Variants in LRRC7 observed in about 807,000 individuals in gnomAD.
LRRC7 encodes leucine-rich repeat-containing protein 7.
A neutral mutation model predicts 175.7 loss-of-function variants in LRRC7; 23 were observed. The ratio of observed to expected loss-of-function variants is 0.13; its 90% CI spans 0.09 to 0.19. The LOEUF is 0.19. Ranked by LOEUF, LRRC7 falls within the 10% of genes least tolerant of loss-of-function variation. The pLI, the probability that LRRC7 is intolerant of heterozygous loss-of-function variation, is 1.00. For synonymous variants in LRRC7, 685 were observed against 680.9 expected, an observed-to-expected ratio of 1.01 and a Z score of -0.09; for missense variants, 1,354 against 1,904.7, an observed-to-expected ratio of 0.71 and a Z score of 5.38.
At chr1:70,109,180 C>A (rs1162417654) in intron 26 of LRRC7, among the ~76,000 whole-genome samples, 1 of 152,124 alleles carries the variant, frequency 6.6e-6, no homozygotes, top group Non-Finnish European at 1.5e-5. Flanking sequence ...CGCCACCACA[C>A]TCAGCTAATT....
Position 69,994,548 on chromosome 1 carries a change from T to C in LRRC7, c.932-13T>C. On this transcript the variant is annotated splice_polypyrimidine_tract_variant and intron_variant, in intron 10 of 26. Coordinates refer to ENST00000651989, the MANE Select transcript of LRRC7 (RefSeq NM_001370785.2). ...TGCTCTTATGTATTAATCAACCTTC[T>C]TCTCTGCTTTAGGACTTTTGAAAAA... 1.3e-6 allele frequency: 2 copies of C among 1,566,324 alleles called. No homozygotes were observed. The highest frequency in any genetic ancestry group is 1.8e-6 in the Non-Finnish European group (2 of 1,138,492).
chr1:69,869,586 ATG>A (rs1243229039), intron 7 of LRRC7, among the ~76,000 whole-genome samples: 1 of 152,152 alleles, frequency 6.6e-6, no homozygotes, highest in African/African-American at 2.4e-5. Context: ...ATGTGAAACT[ATG>A]AGAGCCCATC....
chr1:70,073,873 A>G (rs1662574833), intron 23 of LRRC7, among the ~76,000 whole-genome samples: 1 of 152,182 alleles, frequency 6.6e-6, no homozygotes. Flanking sequence ...TTCTCTAGCT[A>G]TGTAACTGGG....
intron 19 of LRRC7, 34 bp from the exon 20 acceptor site, chr1:70,036,410 A>G (rs368337570): frequency 6.3e-7 from 1 of 1,582,296 alleles, no homozygotes. Flanking sequence ...TGTCAGTGTC[A>G]TAGCATTATA....
intron 1 of LRRC7, chr1:69,608,040 G>A (rs1354865362): frequency 6.5e-6 from 1 of 152,706 alleles, no homozygotes; most frequent in Non-Finnish European, 1.5e-5. Context: ...AATAGCTGAC[G>A]TGGGAGGTAG....
At chr1:70,035,907 G>GA (rs1172819709) in intron 18 of LRRC7, among the ~76,000 whole-genome samples, 1 of 151,562 alleles carries the variant, frequency 6.6e-6, no homozygotes, top group Non-Finnish European at 1.5e-5. Context: ...CAACATGCAA[G>GA]AAAAATTGAT....
At chr1:69,602,713 C>G (rs932097319) in intron 1 of LRRC7, among the ~76,000 whole-genome samples, 1 of 152,142 alleles carries the variant, frequency 6.6e-6, no homozygotes, top group Non-Finnish European at 1.5e-5. Context: ...CCATGCCTCT[C>G]TCCTAGCTGT....
chr1:69,781,755 GAGAGAGAGAGAA>G (rs1262842232), intron 3 of LRRC7, among the ~76,000 whole-genome samples: 1 of 43,384 alleles, frequency 2.3e-5, no homozygotes, highest in African/African-American at 1.5e-4. Context: ...GAGAGAGAGA[GAGAGAGAGAGAA>G]AGAAAGAAAG....
intron 2 of LRRC7, among the ~76,000 whole-genome samples, chr1:69,758,318 G>GT (rs1300333463): frequency 5.9e-5 from 9 of 151,984 alleles, no homozygotes; most frequent in Non-Finnish European, 1.3e-4. Flanking sequence ...CTTTTTAAAT[G>GT]TTTTTATTCA....
chr1:69,621,552 A>G (rs1650605064), intron 1 of LRRC7, among the ~76,000 whole-genome samples: 1 of 152,150 alleles, frequency 6.6e-6, no homozygotes, highest in Admixed American at 6.5e-5. Context: ...TCCTAGTTGA[A>G]ATATCATAGT....
At chr1:69,904,010 T>G (rs1476093235) in intron 7 of LRRC7, among the ~76,000 whole-genome samples, 1 of 152,060 alleles carries the variant, frequency 6.6e-6, no homozygotes, top group African/African-American at 2.4e-5. Flanking sequence ...AGGCAATAAT[T>G]AATAGCCTAC....
intron 2 of LRRC7, among the ~76,000 whole-genome samples, chr1:69,717,820 AAG>A (rs1557640958): frequency 2.0e-5 from 1 of 50,372 alleles, no homozygotes; most frequent in Non-Finnish European, 3.7e-5. Context: ...GAAAGAAAGA[AAG>A]AAAGAAAGAA....
chr1:69,638,385 G>C (rs1255664979), intron 1 of LRRC7, among the ~76,000 whole-genome samples: 1 of 151,768 alleles, frequency 6.6e-6, no homozygotes, highest in East Asian at 1.9e-4. Flanking sequence ...TCTGATGGTA[G>C]TCATTCCAGT....
intron 3 of LRRC7, among the ~76,000 whole-genome samples, chr1:69,762,919 G>T (rs11209537): frequency 0.028 from 4,190 of 151,948 alleles, 172 homozygotes; most frequent in African/African-American, 0.095. Flanking sequence ...AATCTTTAAA[G>T]GTTTCTGTGA....
At chr1:70,110,035 T>A (rs557559192) in intron 26 of LRRC7, among the ~76,000 whole-genome samples, 128 of 152,334 alleles carry the variant, frequency 8.4e-4, no homozygotes, top group African/African-American at 2.9e-3. Flanking sequence ...GAAATGTATA[T>A]GTAAGTATTA....
chr1:70,016,567 A>G, intron 14 of LRRC7, 33 bp downstream of exon 14: 1 of 1,485,584 alleles, frequency 6.7e-7, no homozygotes, highest in Non-Finnish European at 9.1e-7. Context: ...TTATTTATTA[A>G]GATGAACTAT....
chr1:69,586,270 G>T (rs924415798), intron 1 of LRRC7, among the ~76,000 whole-genome samples: 1 of 152,222 alleles, frequency 6.6e-6, no homozygotes, highest in Non-Finnish European at 1.5e-5. Flanking sequence ...TTTAGTTTCT[G>T]TCACCATCTG....
At chr1:69,708,211 G>C (rs1318562483) in intron 2 of LRRC7, among the ~76,000 whole-genome samples, 1 of 152,118 alleles carries the variant, frequency 6.6e-6, no homozygotes, top group Non-Finnish European at 1.5e-5. Flanking sequence ...ATATATATAA[G>C]TGAATTTTCA....
Position 69,723,189 on chromosome 1 carries a change from T to C in LRRC7, c.101-37002T>C, listed in dbSNP as rs537479880. ...AGGATGTCTGTCTTCCTAAATTATT[T>C]AATTATTTTTATTTTGACCCACCTA... is the stretch of plus-strand genomic sequence containing the variant. On this transcript the variant is annotated intron_variant, in intron 2 of 26. Transcript: ENST00000651989. 8.5e-5 allele frequency among the ~76,000 whole-genome samples: 13 copies of C among 152,258 alleles called. 2 individuals are homozygous for C. The highest frequency in any genetic ancestry group is 8.3e-4 in the South Asian group (4 of 4,830).
Sources: allele counts gnomAD v4.1 joint callset (sites outside exome capture counted in the v4.1 genomes callset), GRCh38; gene constraint gnomAD v4.1.1; transcripts MANE v1.5; gene names NCBI Gene and HGNC (gene_info 2026-07-23, HGNC 2026-07-21).